The following SUGCT variants were observed in gnomAD, a reference collection of about 807,000 sequenced individuals.
SUGCT encodes the protein succinyl-CoA:glutarate CoA-transferase.
In SUGCT, 41 loss-of-function variants were observed where a neutral mutation model predicts 55.0. The observed-to-expected ratio is 0.74, with a 90% CI of 0.58 to 0.97. The LOEUF is 0.97. Among genes scored for constraint, SUGCT ranks in the 50% least tolerant of loss-of-function variants. The pLI is 0.00. For missense variants in SUGCT, 568 were observed against 547.8 expected, an observed-to-expected ratio of 1.04 and a Z score of -0.37; for synonymous variants, 187 against 200.4, an observed-to-expected ratio of 0.93 and a Z score of 0.56.
At chr7:40,764,545 G>A (rs1788684625) in intron 13 of SUGCT, among the ~76,000 whole-genome samples, 1 of 151,910 alleles carries the variant, frequency 6.6e-6, no homozygotes, top group African/African-American at 2.4e-5. Context: ...TGGTATATTA[G>A]TACTGATGGA....
chr7:40,185,367 A>G (rs61333373), intron 3 of SUGCT, among the ~76,000 whole-genome samples: 6,463 of 152,030 alleles, frequency 0.043, 462 homozygotes, highest in African/African-American at 0.15. Context: ...TAATTTTATA[A>G]ATTGTTGTTC....
intron 1 of SUGCT, among the ~76,000 whole-genome samples, chr7:40,158,633 C>G (rs1211208603): frequency 6.6e-6 from 1 of 151,954 alleles, no homozygotes; most frequent in African/African-American, 2.4e-5. Flanking sequence ...GCCTGTAGGC[C>G]GAACTACTCG....
intron 9 of SUGCT, among the ~76,000 whole-genome samples, chr7:40,440,121 C>A (rs1788423249): frequency 7.5e-6 from 1 of 133,686 alleles, no homozygotes; most frequent in Admixed American, 7.8e-5. Context: ...GCAAATGAGT[C>A]AAGTTTTTTG....
chr7:40,466,352 C>A (rs1790110311), intron 11 of SUGCT, among the ~76,000 whole-genome samples: 1 of 152,218 alleles, frequency 6.6e-6, no homozygotes, highest in Non-Finnish European at 1.5e-5. Context: ...TCCCCATATA[C>A]TCATTACTTG....
intron 9 of SUGCT, among the ~76,000 whole-genome samples, chr7:40,357,781 C>A (rs139619608): frequency 7.4e-6 from 1 of 135,020 alleles, no homozygotes; most frequent in African/African-American, 2.7e-5. Flanking sequence ...TTTTTTTAAT[C>A]TTCTTTTGAT....
chr7:40,220,407 C>T (rs973765050), intron 6 of SUGCT, among the ~76,000 whole-genome samples: 1 of 152,134 alleles, frequency 6.6e-6, no homozygotes, highest in African/African-American at 2.4e-5. Flanking sequence ...TTGACTATAT[C>T]AGGAGGAAAG....
chr7:40,508,981 C>T (rs994717896), intron 12 of SUGCT, among the ~76,000 whole-genome samples: 12 of 152,062 alleles, frequency 7.9e-5, no homozygotes, highest in Non-Finnish European at 1.2e-4. Flanking sequence ...TCTCCTATCT[C>T]GCTTTTTTTT....
chr7:40,208,690 G>A (rs1489623652), intron 6 of SUGCT, among the ~76,000 whole-genome samples: 3 of 151,928 alleles, frequency 2.0e-5, no homozygotes, highest in Non-Finnish European at 4.4e-5. Flanking sequence ...GACTACAGGT[G>A]CACACCGCCA....
At chr7:40,733,593 G>C (rs1787007837) in intron 12 of SUGCT, among the ~76,000 whole-genome samples, 1 of 152,122 alleles carries the variant, frequency 6.6e-6, no homozygotes, top group Admixed American at 6.5e-5. Flanking sequence ...TGGCCTTTTT[G>C]AGCCTGAGCA....
chr7:40,312,108 C>T (rs373816294), intron 8 of SUGCT, among the ~76,000 whole-genome samples: 4 of 150,436 alleles, frequency 2.7e-5, no homozygotes, highest in East Asian at 2.0e-4. Context: ...GGCGCGATCT[C>T]GGCTCACCGC....
chr7:40,911,442 C>T, the SUGCT span, among the ~76,000 whole-genome samples: 1 of 151,874 alleles, frequency 6.6e-6, no homozygotes, highest in East Asian at 1.9e-4. Flanking sequence ...GTGGCACACA[C>T]CTGTAGTCCC....
intron 8 of SUGCT, among the ~76,000 whole-genome samples, chr7:40,303,974 G>A (rs1032188234): frequency 1.3e-5 from 2 of 151,600 alleles, no homozygotes; most frequent in Non-Finnish European, 2.9e-5. Context: ...AATTGAACTC[G>A]GGAGGTGGAG....
chr7:40,942,933 G>A, the SUGCT span, among the ~76,000 whole-genome samples: 26 of 151,972 alleles, frequency 1.7e-4, no homozygotes, highest in African/African-American at 5.5e-4. Flanking sequence ...AAAAATATCT[G>A]TCTCTTTAGA....
intron 13 of SUGCT, among the ~76,000 whole-genome samples, chr7:40,798,955 C>T (rs999522960): frequency 1.3e-5 from 2 of 152,162 alleles, no homozygotes; most frequent in Admixed American, 6.5e-5. Context: ...AGCTAAACTA[C>T]CCCAGTGCCA....
intron 1 of SUGCT, chr7:40,152,622 CAAAG>C (rs1046418793): frequency 1.6e-5 from 3 of 186,994 alleles, no homozygotes; most frequent in African/African-American, 7.1e-5. Context: ...TTTAGAAAAA[CAAAG>C]AAATTCTAAA....
At chr7:40,862,305 T>G (rs924733999), downstream of SUGCT, among the ~76,000 whole-genome samples, 5 of 152,178 alleles carry the variant, frequency 3.3e-5, no homozygotes, top group African/African-American at 1.2e-4. Flanking sequence ...TATATGTAAG[T>G]GTCTAGGACT....
chr7:40,450,747 C>T (rs1789144724), intron 10 of SUGCT, among the ~76,000 whole-genome samples: 1 of 151,144 alleles, frequency 6.6e-6, no homozygotes, highest in South Asian at 2.1e-4. Flanking sequence ...GCACTCAAGC[C>T]TAGGTGACAG....
intron 12 of SUGCT, among the ~76,000 whole-genome samples, chr7:40,563,103 G>A (rs1009914445): frequency 1.3e-5 from 2 of 152,140 alleles, no homozygotes; most frequent in Non-Finnish European, 2.9e-5. Context: ...TGCACCTGAA[G>A]CGCTCTATGT....
chr7:40,325,898 C>CTTTTTTTTTTTTTTTTTTTTTTTTTTT (rs71560191), intron 9 of SUGCT, among the ~76,000 whole-genome samples: 1 of 122,182 alleles, frequency 8.2e-6, no homozygotes, highest in Admixed American at 8.8e-5. Context: ...GGATGTGCGT[C>CTTTTTTTTTTTTTTTTTTTTTTTTTTT]TTTTTTTTTT....
Sources: gnomAD v4.1 joint callset for allele counts (sites outside exome capture counted in the v4.1 genomes callset) on GRCh38, gnomAD v4.1.1 for gene constraint, MANE v1.5 for transcripts, NCBI Gene and HGNC (gene_info 2026-07-23, HGNC 2026-07-21) for gene names.